The following MID1 variants were observed in gnomAD, a reference collection of about 807,000 sequenced individuals.
MID1 encodes midline 1.
In MID1, 7 loss-of-function variants were observed where a neutral mutation model predicts 40.4. The observed-to-expected ratio is 0.17, with a 90% confidence interval of 0.10 to 0.33. MID1 has a LOEUF of 0.33. Ranked by LOEUF, MID1 falls within the 10% of genes least tolerant of loss-of-function variation. The pLI is 1.00. For missense variants in MID1, 367 were observed against 558.5 expected, an observed-to-expected ratio of 0.66 and a Z score of 3.46; for synonymous variants, 229 against 221.2, an observed-to-expected ratio of 1.04 and a Z score of -0.31.
At chrX:10,810,181 C>A (rs2044087131) in intron 1 of MID1, among the ~76,000 whole-genome samples, 1 of 111,758 alleles carries the variant, frequency 8.9e-6, no homozygotes, top group Non-Finnish European at 1.9e-5. Flanking sequence ...TCTTCCTTCC[C>A]CCAGCTCCTG....
intron 1 of MID1, among the ~76,000 whole-genome samples, chrX:10,632,576 G>T (rs1936063981): frequency 9.0e-6 from 1 of 110,796 alleles, no homozygotes; most frequent in Non-Finnish European, 1.9e-5. Flanking sequence ...ATCCCCTAGA[G>T]GGCTTGTTAA....
chrX:10,584,656 A>G (rs1369345251), intron 1 of MID1, among the ~76,000 whole-genome samples: 1 of 112,898 alleles, frequency 8.9e-6, no homozygotes. Flanking sequence ...TTTGACAATG[A>G]CAATAATATC....
Position 10,806,781 on chromosome X carries a change from C to T in MID1, c.-187+26773G>A, listed in dbSNP as rs771606646. Among the ~76,000 whole-genome samples the T allele has an allele frequency of 8.1e-5, 9 of 111,784 alleles. No individual in the cohort carries two copies. The South Asian group carries it at 2.6e-3, about 32-fold the overall frequency. ...AACAACTGCTCCTTTCTGGTAACTA[C>T]GAACATTACTACAGTTCATTTGCAA... On this transcript the variant is annotated intron_variant, in intron 1 of 10. Coordinates refer to the MID1 transcript ENST00000380785.
At chrX:10,481,985 T>C (rs749745187) in intron 5 of MID1, among the ~76,000 whole-genome samples, 16 of 112,119 alleles carry the variant, frequency 1.4e-4, no homozygotes, top group Middle Eastern at 4.6e-3. Flanking sequence ...GAGTTGGCCT[T>C]GACCTTTTCA....
At chrX:10,811,126 CAAT>C (rs2044097149) in intron 1 of MID1, among the ~76,000 whole-genome samples, 1 of 111,616 alleles carries the variant, frequency 9.0e-6, no homozygotes, top group African/African-American at 3.3e-5. Flanking sequence ...CTTATGACAA[CAAT>C]GTCATCATCT....
intron 1 of MID1, among the ~76,000 whole-genome samples, chrX:10,626,028 G>A (rs1935991803): frequency 9.0e-6 from 1 of 111,223 alleles, no homozygotes; most frequent in Non-Finnish European, 1.9e-5. Flanking sequence ...GGTAACATTT[G>A]AGGGCAAATA....
chrX:10,793,801 T>C (rs1271357885), intron 1 of MID1, among the ~76,000 whole-genome samples: 1 of 112,223 alleles, frequency 8.9e-6, no homozygotes, highest in African/African-American at 3.2e-5. Flanking sequence ...CATGGCTGAC[T>C]TGTCATTCAG....
chrX:10,646,564 T>C (rs934080119), intron 1 of MID1, among the ~76,000 whole-genome samples: 1 of 111,554 alleles, frequency 9.0e-6, no homozygotes, highest in African/African-American at 3.3e-5. Context: ...CCTCCATTTC[T>C]GCTCAATACA....
chrX:10,678,489 G>A (rs1398505686), intron 1 of MID1, among the ~76,000 whole-genome samples: 1 of 112,091 alleles, frequency 8.9e-6, no homozygotes, highest in Non-Finnish European at 1.9e-5. Flanking sequence ...AGTACAAAGA[G>A]AGTAAAAAAT....
chrX:10,609,998 G>T (rs889797069), intron 1 of MID1, among the ~76,000 whole-genome samples: 1 of 111,996 alleles, frequency 8.9e-6, no homozygotes, highest in Non-Finnish European at 1.9e-5. Context: ...GATTACAGGC[G>T]TGAGCCACCG....
At chrX:10,743,208 C>T (rs2043536364) in intron 1 of MID1, among the ~76,000 whole-genome samples, 2 of 111,989 alleles carry the variant, frequency 1.8e-5, no homozygotes, top group African/African-American at 6.5e-5. Flanking sequence ...TTATGATCTG[C>T]GTTGGGAACA....
chrX:10,646,182 C>T (rs757934605), intron 1 of MID1, among the ~76,000 whole-genome samples: 16 of 112,128 alleles, frequency 1.4e-4, no homozygotes, highest in Non-Finnish European at 2.4e-4. Context: ...AAGACAAGCA[C>T]CTACTCCATA....
At position 10,679,690 on chromosome X, in the gene MID1, A is replaced by G. The variant is rs781314267; in HGVS notation, c.-186-59271T>C. Reference sequence around the variant, plus strand: ...CTATTGCTGTGTAATGAGTTTTAGCATAAGTCAAGAGACAAACTGAAGAGG... The same window carrying G: ...CTATTGCTGTGTAATGAGTTTTAGCGTAAGTCAAGAGACAAACTGAAGAGG... On this transcript the variant is annotated intron_variant, in intron 1 of 10. Coordinates refer to the MID1 transcript ENST00000380785. 1.1e-4 allele frequency among the ~76,000 whole-genome samples: 12 copies of G among 111,768 alleles called. No individual in the cohort carries two copies. The South Asian group carries it at 3.0e-3, about 28-fold the overall frequency.
intron 7 of MID1, among the ~76,000 whole-genome samples, chrX:10,467,996 C>G (rs762051567): frequency 9.0e-6 from 1 of 111,448 alleles, no homozygotes; most frequent in South Asian, 3.8e-4. Flanking sequence ...AAAATGCACC[C>G]GCTTTTTTTC....
At chrX:10,751,522 T>A (rs1258802960) in intron 1 of MID1, among the ~76,000 whole-genome samples, 1 of 109,986 alleles carries the variant, frequency 9.1e-6, no homozygotes, top group Non-Finnish European at 1.9e-5. Context: ...TCCCAGCTAC[T>A]CAGGAGGCTG....
chrX:10,831,446 C>T (rs563904505), intron 1 of MID1, among the ~76,000 whole-genome samples: 5 of 111,398 alleles, frequency 4.5e-5, no homozygotes, highest in African/African-American at 6.5e-5. Flanking sequence ...TGCAGATCTA[C>T]GGAGGCTGCC....
chrX:10,600,634 T>G (rs1461507513), intron 1 of MID1, among the ~76,000 whole-genome samples: 2 of 112,025 alleles, frequency 1.8e-5, no homozygotes, highest in Non-Finnish European at 3.8e-5. Context: ...CAGGATGCAT[T>G]TCCAGTGTCC....
At chrX:10,765,638 C>A (rs944616498) in intron 1 of MID1, among the ~76,000 whole-genome samples, 1 of 111,412 alleles carries the variant, frequency 9.0e-6, no homozygotes, top group African/African-American at 3.3e-5. Flanking sequence ...TAGTTTATCA[C>A]TGTTAATGTA....
chrX:10,705,288 T>C (rs1340433612), intron 1 of MID1, among the ~76,000 whole-genome samples: 1 of 112,260 alleles, frequency 8.9e-6, no homozygotes, highest in Admixed American at 9.5e-5. Flanking sequence ...GTAAGTTTTA[T>C]GGTATTCTGG....
Sources: gnomAD v4.1 joint callset for allele counts (sites outside exome capture counted in the v4.1 genomes callset) on GRCh38, gnomAD v4.1.1 for gene constraint, MANE v1.5 for transcripts, NCBI Gene and HGNC (gene_info 2026-07-23, HGNC 2026-07-21) for gene names.